The following LZTS2 variants were observed in gnomAD, a reference collection of about 807,000 sequenced individuals.
LZTS2 encodes leucine zipper tumor suppressor 2.
A neutral mutation model predicts 60.6 loss-of-function variants in LZTS2; 32 were observed. The observed-to-expected ratio is 0.53, with a 90% CI of 0.40 to 0.71. LZTS2 has a LOEUF of 0.71. Among genes scored for constraint, LZTS2 ranks in the 30% least tolerant of loss-of-function variants. LZTS2 has a pLI of 0.00. For synonymous variants in LZTS2, 360 were observed against 393.1 expected (o/e 0.92, Z 1.00); for missense variants, 792 against 901.9 (o/e 0.88, Z 1.56).
chr10:100,997,004 G>A (rs1851928917), upstream of LZTS2: 1 of 152,508 alleles, frequency 6.6e-6, no homozygotes, highest in Non-Finnish European at 1.5e-5. Flanking sequence ...CTGGTGGAGT[G>A]CGGGGCAGAC....
chr10:101,002,860 G>A, exon 1 of LZTS2: 2 of 1,613,892 alleles, frequency 1.2e-6, no homozygotes, highest in Non-Finnish European at 1.7e-6. Context: ...CAGTGATGTT[G>A]AGGATGCCCG....
chr10:101,003,290 A>C (rs986449692), intron 1 of LZTS2: 1 of 533,490 alleles, frequency 1.9e-6, no homozygotes, highest in African/African-American at 1.9e-5. Flanking sequence ...CCATTTCCTC[A>C]TCTGTAATAT....
intron 1 of LZTS2, 181 bp from the exon 3 acceptor site, chr10:101,003,326 T>C (rs911874428): frequency 6.9e-5 from 40 of 582,452 alleles, no homozygotes; most frequent in African/African-American, 1.3e-4. Context: ...ATTTAGATAA[T>C]GGAGATAAAC....
Position 101,007,601 on chromosome 10 carries a change from G to A in LZTS2, c.*433G>A, listed in dbSNP as rs529668785. The A allele has an allele frequency of 3.6e-5, 46 of 1,275,348 alleles. 1 individual carries two copies. The South Asian group carries it at 4.2e-4, about 12-fold the overall frequency. The allele number at this position is 1,275,348 out of a possible 1,614,324, so 79.0% of individuals were successfully genotyped here. A position where few individuals can be genotyped will look rare whatever the true frequency, so the allele number is the denominator to read the frequency against. On this transcript the variant is annotated 3_prime_UTR_variant, in exon 4 of 4. Transcript: ENST00000370220. Reference sequence around the variant, plus strand: ...CCTGCCCACATTGGGGGACAGGGCCGGGCCTGGGCTCGGTTCCCAGGTTTG... The same window carrying A: ...CCTGCCCACATTGGGGGACAGGGCCAGGCCTGGGCTCGGTTCCCAGGTTTG...
At position 101,004,258 on chromosome 10, in the gene LZTS2, G is replaced by T. The variant is rs1317015616; in HGVS notation, c.1068+92G>T. On this transcript the variant is annotated intron_variant, in intron 2 of 3. Coordinates refer to ENST00000370220, the Ensembl canonical transcript of LZTS2. ...GCATTTCCATTTTGGCAGGGAACGG[G>T]GGTTGGGTAGTTGTAGTTGTGACCC... is the stretch of plus-strand genomic sequence containing the variant. The T allele has an allele frequency of 3.4e-5, 49 of 1,420,456 alleles. No individual in the cohort carries two copies. The Admixed American group carries it at 4.4e-4, about 13-fold the overall frequency. The allele number at this position is 1,420,456 out of a possible 1,614,324, so 88.0% of individuals were successfully genotyped here. A position where few individuals can be genotyped will look rare whatever the true frequency, so the allele number is the denominator to read the frequency against.
exon 1 of LZTS2, chr10:101,000,522 C>T (rs894626726): frequency 2.0e-5 from 3 of 152,496 alleles, no homozygotes; most frequent in African/African-American, 7.2e-5. Context: ...GGCCCTGGCT[C>T]ACTGGGTCCC....
At chr10:101,007,556 CA>C (rs1440934287) in exon 4 of LZTS2, 1 of 1,311,490 alleles carries the variant, frequency 7.6e-7, no homozygotes, top group Non-Finnish European at 1.0e-6. Context: ...AGCCAGATGG[CA>C]CCAGCTGCTC....
chr10:101,007,334 T>G, exon 4 of LZTS2: 1 of 1,416,640 alleles, frequency 7.1e-7, no homozygotes, highest in Non-Finnish European at 9.2e-7. Context: ...AGGGTGGCCC[T>G]ATGACTTGGA....
At chr10:101,003,445 G>T in intron 1 of LZTS2, 62 bp from the exon 3 acceptor site, 1 of 1,490,046 alleles carries the variant, frequency 6.7e-7, no homozygotes. Context: ...GGCAGGGAGT[G>T]TCATAAGGGC....
chr10:100,999,203 G>T (rs921960710), upstream of LZTS2, among the ~76,000 whole-genome samples: 1 of 152,222 alleles, frequency 6.6e-6, no homozygotes, highest in Non-Finnish European at 1.5e-5. Context: ...AAAGGGCACC[G>T]TGCCGGGGAG....
exon 1 of LZTS2, chr10:101,002,789 C>T (rs941281033): frequency 1.2e-6 from 2 of 1,613,686 alleles, no homozygotes; most frequent in South Asian, 1.1e-5. Flanking sequence ...AAGGCTGTCC[C>T]TGTCACCAGC....
chr10:101,007,631 C>T (rs1063040), exon 4 of LZTS2: 1 of 1,232,196 alleles, frequency 8.1e-7, no homozygotes, highest in Non-Finnish European at 1.0e-6. Context: ...GGTTTGAGCT[C>T]TGCAGCCTCT....
chr10:101,000,595 C>G (rs1391158161), exon 1 of LZTS2: 1 of 152,314 alleles, frequency 6.6e-6, no homozygotes, highest in East Asian at 1.9e-4. Flanking sequence ...CTTTTGGGTC[C>G]CTGTCTTTCT....
chr10:100,997,594 C>T (rs1191187799), upstream of LZTS2, among the ~76,000 whole-genome samples: 1 of 149,426 alleles, frequency 6.7e-6, no homozygotes, highest in African/African-American at 2.4e-5. Context: ...AGGGGCAGCC[C>T]TGTGACTACC....
chr10:101,007,484 G>A (rs1425206869), exon 4 of LZTS2: 4 of 1,414,804 alleles, frequency 2.8e-6, no homozygotes, highest in Non-Finnish European at 3.7e-6. Flanking sequence ...CCAGCCAGGG[G>A]AGCAGGGAAG....
Position 101,006,438 on chromosome 10 carries a change from C to G in LZTS2, c.1327-47C>G, listed in dbSNP as rs757371733. ...GCATGATGTGCAGGGCCTGTCCCCCCAGGAGAACCTGTCTCACCATCCTTC... is the reference window on the plus strand; with the variant it reads ...GCATGATGTGCAGGGCCTGTCCCCCGAGGAGAACCTGTCTCACCATCCTTC... On this transcript the variant is annotated intron_variant, in intron 3 of 3. Coordinates refer to ENST00000370220, the Ensembl canonical transcript of LZTS2. 6.4e-6 allele frequency: 10 copies of G among 1,561,434 alleles called. No individual in the cohort carries two copies. The East Asian group carries it at 1.8e-4, about 29-fold the overall frequency.
chr10:101,007,282 T>G, exon 4 of LZTS2: 1 of 1,425,694 alleles, frequency 7.0e-7, no homozygotes, highest in Non-Finnish European at 9.1e-7. Flanking sequence ...CAAAGCCACT[T>G]GTCTCCTAGG....
At chr10:100,998,666 G>C (rs981829884), upstream of LZTS2, 2 of 152,226 alleles carry the variant, frequency 1.3e-5, no homozygotes, top group Non-Finnish European at 2.9e-5. Flanking sequence ...AGACCCCTAG[G>C]GGAAAGGCTG....
At chr10:101,006,915 G>C (rs758140538) in exon 4 of LZTS2, 1 of 1,530,394 alleles carries the variant, frequency 6.5e-7, no homozygotes, top group Non-Finnish European at 8.8e-7. Flanking sequence ...CAGCGGGAGC[G>C]GCGGCGGGGT....
Sources: allele counts gnomAD v4.1 joint callset (sites outside exome capture counted in the v4.1 genomes callset), GRCh38; gene constraint gnomAD v4.1.1; transcripts MANE v1.5; gene names NCBI Gene and HGNC (gene_info 2026-07-23, HGNC 2026-07-21).